Variants in TEAD4 observed in about 807,000 individuals in gnomAD.
The protein encoded by TEAD4 is transcriptional enhancer factor TEF-3.
TEAD4 carries 36 observed loss-of-function variants against 52.4 expected under a neutral mutation model. The observed-to-expected ratio is 0.69, with a 90% CI of 0.53 to 0.91. TEAD4 has a LOEUF of 0.91. Among genes scored for constraint, TEAD4 ranks in the 40% least tolerant of loss-of-function variants. The probability of loss-of-function intolerance (pLI) is 0.00; values close to 1 mark genes in which losing one functional copy is unlikely to be tolerated. For synonymous variants in TEAD4, 220 were observed against 231.0 expected (o/e 0.95, Z 0.43); for missense variants, 508 against 583.9 (o/e 0.87, Z 1.34).
intron 5 of TEAD4, among the ~76,000 whole-genome samples, chr12:3,016,253 C>T (rs1005724686): frequency 3.3e-5 from 5 of 152,084 alleles, no homozygotes; most frequent in African/African-American, 1.2e-4. Context: ...GCCTAGAACT[C>T]CTGGGCTCAA....
intron 3 of TEAD4, among the ~76,000 whole-genome samples, chr12:3,000,425 C>T (rs1591576610): frequency 6.6e-6 from 1 of 152,262 alleles, no homozygotes; most frequent in Non-Finnish European, 1.5e-5. Context: ...GTGGTGCAGG[C>T]ATCCCGTGGC....
At chr12:2,976,447 A>T (rs2098229779) in intron 2 of TEAD4, among the ~76,000 whole-genome samples, 1 of 152,122 alleles carries the variant, frequency 6.6e-6, no homozygotes, top group Non-Finnish European at 1.5e-5. Flanking sequence ...CCTGTGGCAA[A>T]GCTGCGCTTG....
chr12:2,997,814 G>GGGT (rs1555124152), intron 3 of TEAD4, among the ~76,000 whole-genome samples: 1 of 147,160 alleles, frequency 6.8e-6, no homozygotes, highest in African/African-American at 2.6e-5. Flanking sequence ...TCGGGGGGGG[G>GGGT]GTGTGTGTGT....
intron 2 of TEAD4, among the ~76,000 whole-genome samples, chr12:2,986,138 T>A (rs564440162): frequency 6.6e-6 from 1 of 151,972 alleles, no homozygotes; most frequent in Non-Finnish European, 1.5e-5. Context: ...AACGCACACA[T>A]TAGGCCTGCA....
At chr12:2,969,682 T>C (rs2098223515) in intron 2 of TEAD4, among the ~76,000 whole-genome samples, 1 of 152,174 alleles carries the variant, frequency 6.6e-6, no homozygotes, top group Admixed American at 6.5e-5. Context: ...AGGCAAGGCT[T>C]GGGACGAGGG....
intron 10 of TEAD4, among the ~76,000 whole-genome samples, chr12:3,028,869 G>T (rs1050068325): frequency 6.6e-6 from 1 of 152,016 alleles, no homozygotes; most frequent in African/African-American, 2.4e-5. Context: ...GAGCTCAAGC[G>T]ATTCGCCTGC....
intron 10 of TEAD4, among the ~76,000 whole-genome samples, chr12:3,035,022 A>AC (rs2098278492): frequency 1.3e-5 from 2 of 152,132 alleles, no homozygotes; most frequent in East Asian, 3.9e-4. Context: ...AATCACTTGA[A>AC]CCCGGCAGGC....
chr12:2,986,823 G>A (rs2098238948), intron 2 of TEAD4, among the ~76,000 whole-genome samples: 1 of 152,110 alleles, frequency 6.6e-6, no homozygotes, highest in Admixed American at 6.6e-5. Flanking sequence ...TTACACCAGT[G>A]CCACCAGACA....
At chr12:2,972,240 G>A (rs1038830696) in intron 2 of TEAD4, among the ~76,000 whole-genome samples, 1 of 151,668 alleles carries the variant, frequency 6.6e-6, no homozygotes. Context: ...CACCACACCT[G>A]GCTAATTTTT....
At chr12:3,000,484 C>T (rs1177383660) in intron 3 of TEAD4, among the ~76,000 whole-genome samples, 1 of 152,022 alleles carries the variant, frequency 6.6e-6, no homozygotes, top group East Asian at 1.9e-4. Context: ...CGGAGACAGC[C>T]CCCAGTCCCA....
chr12:3,031,202 C>T (rs777948260), intron 10 of TEAD4, among the ~76,000 whole-genome samples: 1 of 152,196 alleles, frequency 6.6e-6, no homozygotes, highest in Non-Finnish European at 1.5e-5. Context: ...GGCCCCCAGC[C>T]CCCTGGAGAA....
chr12:3,026,917 T>A (rs2098272445), intron 10 of TEAD4, among the ~76,000 whole-genome samples: 1 of 152,224 alleles, frequency 6.6e-6, no homozygotes, highest in African/African-American at 2.4e-5. Context: ...AGATGTTTGA[T>A]GGATGTAGTT....
At chr12:2,999,556 C>A (rs527448732) in intron 3 of TEAD4, among the ~76,000 whole-genome samples, 1 of 152,326 alleles carries the variant, frequency 6.6e-6, no homozygotes, top group African/African-American at 2.4e-5. Context: ...GAGTCTCCCA[C>A]GCTTGTTGGC....
chr12:3,028,777 C>A (rs1053510229), intron 10 of TEAD4, among the ~76,000 whole-genome samples: 2 of 151,914 alleles, frequency 1.3e-5, no homozygotes, highest in African/African-American at 4.8e-5. Flanking sequence ...ATTACAGGCA[C>A]GCACCACCAT....
At chr12:3,002,537 TA>T (rs1293583244) in intron 3 of TEAD4, among the ~76,000 whole-genome samples, 1 of 152,260 alleles carries the variant, frequency 6.6e-6, no homozygotes, top group Non-Finnish European at 1.5e-5. Flanking sequence ...TTTTGGATCA[TA>T]GCCATCCTAG....
At chr12:2,976,927 C>T (rs1195375222) in intron 2 of TEAD4, among the ~76,000 whole-genome samples, 4 of 152,222 alleles carry the variant, frequency 2.6e-5, no homozygotes, top group Non-Finnish European at 5.9e-5. Flanking sequence ...GGCCTGCATC[C>T]CAGGCCATCT....
intron 2 of TEAD4, among the ~76,000 whole-genome samples, chr12:2,968,172 C>T (rs1037582477): frequency 6.7e-6 from 1 of 148,746 alleles, no homozygotes; most frequent in African/African-American, 2.5e-5. Flanking sequence ...CCGCAGCCTC[C>T]ACCTTCCGGG....
intron 7 of TEAD4, 64 bp from the exon 8 acceptor site, chr12:3,019,051 A>C: frequency 6.3e-7 from 1 of 1,586,924 alleles, no homozygotes; most frequent in Non-Finnish European, 8.6e-7. Context: ...CACTGGACCC[A>C]GTGCAGGGAT....
chr12:3,030,609 A>G (rs548601297), intron 10 of TEAD4, among the ~76,000 whole-genome samples: 6 of 151,882 alleles, frequency 4.0e-5, no homozygotes, highest in African/African-American at 1.4e-4. Context: ...TGTTTTCTTT[A>G]TCTTTGTGGT....
Sources: gnomAD v4.1 joint callset for allele counts (sites outside exome capture counted in the v4.1 genomes callset) on GRCh38, gnomAD v4.1.1 for gene constraint, MANE v1.5 for transcripts, NCBI Gene and HGNC (gene_info 2026-07-23, HGNC 2026-07-21) for gene names.